The following XPO4 variants were observed in gnomAD, a reference collection of about 807,000 sequenced individuals.
The protein encoded by XPO4 is exportin-4.
XPO4 carries 39 observed loss-of-function variants against 143.0 expected under a neutral mutation model. The observed-to-expected ratio is 0.27, with a 90% CI of 0.21 to 0.36. The LOEUF (loss-of-function observed/expected upper bound fraction) is 0.36. Among genes scored for constraint, XPO4 ranks in the 10% least tolerant of loss-of-function variants. The pLI is 1.00. For synonymous variants in XPO4, 439 were observed against 474.0 expected, an observed-to-expected ratio of 0.93 and a Z score of 0.96; for missense variants, 907 against 1,348.0, an observed-to-expected ratio of 0.67 and a Z score of 5.12.
chr13:20,810,114 T>C (rs1280036543), intron 9 of XPO4, 147 bp from the exon 10 acceptor site: 3 of 537,812 alleles, frequency 5.6e-6, no homozygotes, highest in Non-Finnish European at 5.3e-6. Flanking sequence ...CTTTCTAAAA[T>C]CTTTCTAAGT....
intron 9 of XPO4, among the ~76,000 whole-genome samples, chr13:20,814,833 G>C (rs956125758): frequency 2.6e-5 from 4 of 152,174 alleles, no homozygotes; most frequent in South Asian, 2.1e-4. Context: ...TATGATATCA[G>C]CACTTATCTC....
chr13:20,819,727 C>T (rs1023303716), intron 9 of XPO4, among the ~76,000 whole-genome samples: 1 of 152,100 alleles, frequency 6.6e-6, no homozygotes, highest in African/African-American at 2.4e-5. Flanking sequence ...TGTACTATTA[C>T]TACAATTACT....
chr13:20,814,257 T>C (rs1430753475), intron 9 of XPO4, among the ~76,000 whole-genome samples: 2 of 151,604 alleles, frequency 1.3e-5, no homozygotes, highest in African/African-American at 4.8e-5. Flanking sequence ...TAGGTACATA[T>C]CTAACACATG....
chr13:20,882,109 C>CA lies in XPO4; in HGVS notation c.70-13409dup, dbSNP rs35404161. Among the ~76,000 whole-genome samples, 473 of 93,224 alleles carry CA rather than the reference C, an allele frequency of 5.1e-3. 5 individuals are homozygous for CA. The highest frequency in any genetic ancestry group is 0.015 in the East Asian group (39 of 2,596). 61.2% of individuals were successfully genotyped at this position (93,224 alleles called of 152,430 possible). ...TGGGCGACAGAGTAAGACTCGGTCT[C>CA]AAAAAAAAAAAAAAAAAAGAAAGAA... On this transcript the variant is annotated intron_variant, in intron 1 of 22. Coordinates refer to ENST00000255305, the MANE Select transcript of XPO4 (RefSeq NM_022459.5).
chr13:20,813,634 CA>C (rs753884468), intron 9 of XPO4, among the ~76,000 whole-genome samples: 1 of 152,054 alleles, frequency 6.6e-6, no homozygotes, highest in African/African-American at 2.4e-5. Context: ...ACTCTCTGAT[CA>C]AAAAATTCCA....
intron 1 of XPO4, among the ~76,000 whole-genome samples, chr13:20,901,022 G>C (rs979361891): frequency 6.6e-6 from 1 of 152,188 alleles, no homozygotes; most frequent in Non-Finnish European, 1.5e-5. Context: ...ATGGGGTAGA[G>C]TGGAAAGACA....
intron 9 of XPO4, 42 bp from the exon 10 acceptor site, chr13:20,810,009 G>A (rs757602752): frequency 1.1e-5 from 17 of 1,515,532 alleles, no homozygotes; most frequent in East Asian, 9.1e-5. Context: ...TCCAGAGAAC[G>A]ACAATTGGCA....
intron 1 of XPO4, among the ~76,000 whole-genome samples, chr13:20,884,897 A>T (rs2060446549): frequency 6.6e-6 from 1 of 152,198 alleles, no homozygotes; most frequent in Non-Finnish European, 1.5e-5. Context: ...GAAAAAAGAC[A>T]ATTAAAACTC....
intron 19 of XPO4, 133 bp downstream of exon 19, chr13:20,790,329 T>C (rs2059264504): frequency 2.8e-6 from 2 of 718,948 alleles, no homozygotes; most frequent in Non-Finnish European, 4.8e-6. Flanking sequence ...TTAATGAAAA[T>C]ACAAAAATTG....
At chr13:20,806,572 G>C (rs2059508874) in intron 13 of XPO4, among the ~76,000 whole-genome samples, 1 of 58,952 alleles carries the variant, frequency 1.7e-5, no homozygotes, top group Non-Finnish European at 2.9e-5. Flanking sequence ...TTTTTTTTTT[G>C]AGACAGAGTC....
intron 4 of XPO4, chr13:20,848,880 G>A (rs1336721305): frequency 2.0e-6 from 2 of 985,120 alleles, no homozygotes; most frequent in Non-Finnish European, 2.4e-6. Flanking sequence ...ATAAAAAAAA[G>A]TCTAATTGTC....
intron 1 of XPO4, among the ~76,000 whole-genome samples, chr13:20,881,832 G>A (rs1158272377): frequency 6.6e-6 from 1 of 151,934 alleles, no homozygotes; most frequent in African/African-American, 2.4e-5. Context: ...TAGGGGTTGG[G>A]CACAGTAGCT....
chr13:20,791,681 C>A (rs1449518641), intron 18 of XPO4, among the ~76,000 whole-genome samples: 1 of 152,084 alleles, frequency 6.6e-6, no homozygotes, highest in Non-Finnish European at 1.5e-5. Context: ...GAAAATTGGA[C>A]AAAAATAACA....
chr13:20,799,091 C>G, intron 16 of XPO4, 74 bp downstream of exon 16: 1 of 1,356,054 alleles, frequency 7.4e-7, no homozygotes, highest in Non-Finnish European at 9.9e-7. Context: ...TCCAGAGACT[C>G]TTACGGCAAC....
chr13:20,801,386 C>T (rs1035374444), intron 13 of XPO4, among the ~76,000 whole-genome samples: 1 of 152,078 alleles, frequency 6.6e-6, no homozygotes, highest in Non-Finnish European at 1.5e-5. Context: ...TTAAAACTAC[C>T]CTGGTTAGTA....
At chr13:20,828,853 C>T (rs909082359) in intron 6 of XPO4, among the ~76,000 whole-genome samples, 2 of 152,134 alleles carry the variant, frequency 1.3e-5, no homozygotes, top group African/African-American at 4.8e-5. Context: ...TAAGAGGCAC[C>T]GATCATGGTC....
intron 9 of XPO4, among the ~76,000 whole-genome samples, chr13:20,812,004 C>T (rs1212854328): frequency 1.3e-5 from 2 of 152,212 alleles, no homozygotes; most frequent in Admixed American, 6.5e-5. Flanking sequence ...AGGGCATCGT[C>T]AGCACACAGA....
At chr13:20,841,830 T>C (rs1566600221) in intron 6 of XPO4, among the ~76,000 whole-genome samples, 1 of 151,478 alleles carries the variant, frequency 6.6e-6, no homozygotes, top group Non-Finnish European at 1.5e-5. Context: ...ATGAGTCCCA[T>C]ACTAGATCTC....
Position 20,783,401 on chromosome 13 carries a change from A to C in XPO4, c.*321T>G, listed in dbSNP as rs1394257611. On this transcript the variant is annotated 3_prime_UTR_variant, in exon 23 of 23. Coordinates refer to ENST00000255305, the MANE Select transcript of XPO4 (RefSeq NM_022459.5). ...AACTTTGGCTAGCCACCTATGTTAA[A>C]AGGAAAAAAGGCACTGCATATGTAT... The C allele has an allele frequency of 1.4e-5, 4 of 290,522 alleles. No homozygotes were observed. The highest frequency in any genetic ancestry group is 2.6e-5 in the Non-Finnish European group (4 of 155,440). The allele number at this position is 290,522 out of a possible 1,614,324, so 18.0% of individuals were successfully genotyped here.
Sources: allele counts gnomAD v4.1 joint callset (sites outside exome capture counted in the v4.1 genomes callset), GRCh38; gene constraint gnomAD v4.1.1; transcripts MANE v1.5; gene names NCBI Gene and HGNC (gene_info 2026-07-23, HGNC 2026-07-21).